The following WDR3 variants were observed in gnomAD, a reference collection of about 807,000 sequenced individuals.
The protein encoded by WDR3 is WD repeat domain 3.
WDR3 carries 81 observed loss-of-function variants against 123.7 expected under a neutral mutation model. That is an observed-to-expected ratio of 0.65 (90% CI 0.55 to 0.79). The LOEUF (loss-of-function observed/expected upper bound fraction) is 0.79. Among genes scored for constraint, WDR3 ranks in the 30% least tolerant of loss-of-function variants. The probability of loss-of-function intolerance (pLI) is 0.00; values close to 1 mark genes in which losing one functional copy is unlikely to be tolerated. For missense variants in WDR3, 1,027 were observed against 1,123.2 expected, an observed-to-expected ratio of 0.91 and a Z score of 1.22; for synonymous variants, 390 against 388.8, an observed-to-expected ratio of 1.00 and a Z score of -0.04.
At chr1:117,958,272 T>C (rs763752219) in intron 25 of WDR3, among the ~76,000 whole-genome samples, 3 of 152,226 alleles carry the variant, frequency 2.0e-5, no homozygotes, top group Non-Finnish European at 2.9e-5. Flanking sequence ...AAGAATAATA[T>C]GTTCTGTTGC....
rs1653457804 is a variant in WDR3 at position 117,963,903 on chromosome 1, T to C, written c.*4456T>C. 6.2e-7 allele frequency: 1 copy of C among 1,613,938 alleles called. No individual in the cohort carries two copies. The highest frequency in any genetic ancestry group is 8.5e-7 in the Non-Finnish European group (1 of 1,179,944). On this transcript the variant is annotated 3_prime_UTR_variant, in exon 27 of 27. Transcript: ENST00000349139. Reference sequence around the variant, plus strand: ...TTTTCTTTTCCCTGGGGAAAGTCTTTTGGTCGTTTATCATAATTGCTGCTT... The same window carrying C: ...TTTTCTTTTCCCTGGGGAAAGTCTTCTGGTCGTTTATCATAATTGCTGCTT...
chr1:117,943,490 T>C lies in WDR3; in HGVS notation c.1192T>C (p.Leu398=). The C allele has an allele frequency of 6.2e-7, 1 of 1,614,160 alleles. No individual in the cohort carries two copies. The highest frequency in any genetic ancestry group is 8.5e-7 in the Non-Finnish European group (1 of 1,180,016). The change falls in exon 11 of 27, where the codon TTG becomes CTG. Residue 398 remains leucine (L), a synonymous_variant. Coordinates refer to ENST00000349139, the MANE Select transcript of WDR3 (RefSeq NM_006784.3). The part of the protein sequence containing the change: ...LVELYSLNPS[L]PTPQPVRTSR... ...GGAATTGTATTCACTGAATCCATCC[T>C]TGCCTACTCCTCAGCCTGTCAGGAC...
At position 117,933,280 on chromosome 1, in the gene WDR3, A is replaced by T. The variant is rs757990553; in HGVS notation, c.-32-8A>T. 1.4e-5 allele frequency: 23 copies of T among 1,608,646 alleles called. No individual in the cohort carries two copies. In the South Asian group the frequency reaches 2.3e-4, roughly 16 times the overall value. ...AAGGAGCTGAGTTTTCTTTGTTTAT[A>T]TGCACAGATTGCTTCACCTGTGGTA... On this transcript the variant is annotated splice_region_variant and splice_polypyrimidine_tract_variant and intron_variant, in intron 1 of 26. Coordinates refer to ENST00000349139, the MANE Select transcript of WDR3 (RefSeq NM_006784.3).
Position 117,964,234 on chromosome 1 carries a change from TGC to T in WDR3, c.*4788_*4789del. 1.0e-5 allele frequency: 2 copies of T among 197,620 alleles called. No individual in the cohort carries two copies. The highest frequency in any genetic ancestry group is 2.1e-5 in the Non-Finnish European group (2 of 97,442). The allele number at this position is 197,620 out of a possible 1,614,324, so 12.2% of individuals were successfully genotyped here. On this transcript the variant is annotated 3_prime_UTR_variant, in exon 27 of 27. Coordinates refer to ENST00000349139, the MANE Select transcript of WDR3 (RefSeq NM_006784.3). The stretch of plus-strand genomic sequence containing the variant: ...CAAACCATATCTACATCAGATTTCA[TGC>T]TTTTTTTTTTTTTTTTTGGTGGGGA...
At chr1:117,946,023 T>C in intron 11 of WDR3, 63 bp from the exon 12 acceptor site, 1 of 1,315,602 alleles carries the variant, frequency 7.6e-7, no homozygotes, top group South Asian at 1.4e-5. Context: ...ACCTACACAC[T>C]GACCTCTAAA....
Position 117,929,742 on chromosome 1 carries a change from G to A in WDR3, c.-73G>A, listed in dbSNP as rs540217287. 6.6e-6 allele frequency: 1 copy of A among 152,510 alleles called. No individual in the cohort carries two copies. The highest frequency in any genetic ancestry group is 6.5e-5 in the Admixed American group (1 of 15,314). 9.4% of individuals were successfully genotyped at this position (152,510 alleles called of 1,614,324 possible). ...AACGGACCCGGAAGGGGCAGGTCTT[G>A]TGGGCGGGTCCAATCGGCTGGGAGC... On this transcript the variant is annotated 5_prime_UTR_variant, in exon 1 of 27. It adds an upstream start codon to the 5' untranslated region. Transcript: ENST00000349139.
chr1:117,930,908 A>G (rs1650690481), intron 1 of WDR3, among the ~76,000 whole-genome samples: 1 of 152,184 alleles, frequency 6.6e-6, no homozygotes, highest in African/African-American at 2.4e-5. Context: ...TGTAAAATAG[A>G]GATAGGAAGA....
intron 9 of WDR3, 97 bp from the exon 10 acceptor site, chr1:117,942,340 C>T (rs1651199433): frequency 1.1e-6 from 1 of 927,828 alleles, no homozygotes; most frequent in Non-Finnish European, 1.7e-6. Context: ...CAGAATAACA[C>T]AGTTTGTTGG....
chr1:117,941,674 T>C (rs1651177761), intron 8 of WDR3, 76 bp from the exon 9 acceptor site: 2 of 1,522,472 alleles, frequency 1.3e-6, no homozygotes, highest in Non-Finnish European at 1.8e-6. Flanking sequence ...TAAATATTGT[T>C]GTTTACTTTT....
In WDR3 at chr1:117,933,643, A is replaced by G. The variant is rs1479517596; in HGVS notation, c.171+153A>G. 4 of 933,988 alleles carry G rather than the reference A, an allele frequency of 4.3e-6. No homozygotes were observed. The African/African-American group carries it at 6.6e-5, about 15-fold the overall frequency. 57.9% of individuals were successfully genotyped at this position (933,988 alleles called of 1,614,324 possible). ...TTTTTCCTTTAGGTCTAGCTAGCCAAGCATCAAGTTCCTTTGTGTTCTTCG... is the reference window on the plus strand; with the variant it reads ...TTTTTCCTTTAGGTCTAGCTAGCCAGGCATCAAGTTCCTTTGTGTTCTTCG... On this transcript the variant is annotated intron_variant, in intron 2 of 26. Transcript: ENST00000349139.
chr1:117,931,907 T>C (rs1650746450), intron 1 of WDR3, among the ~76,000 whole-genome samples: 1 of 152,050 alleles, frequency 6.6e-6, no homozygotes, highest in Non-Finnish European at 1.5e-5. Context: ...GAGTTGAGAT[T>C]GAATTTTTTT....
At chr1:117,938,598 G>C (rs1287059343) in intron 5 of WDR3, 40 bp downstream of exon 5, 3 of 1,573,802 alleles carry the variant, frequency 1.9e-6, no homozygotes, top group East Asian at 2.2e-5. Flanking sequence ...TAATGGGAAG[G>C]CAAAAGGGAA....
chr1:117,933,205 A>G, intron 1 of WDR3, 83 bp from the exon 2 acceptor site: 2 of 1,263,998 alleles, frequency 1.6e-6, no homozygotes, highest in African/African-American at 1.5e-5. Flanking sequence ...CTCTGTCTCA[A>G]AAACAAAAAA....
At chr1:117,940,774 T>A (rs892891903) in intron 6 of WDR3, 53 bp from the exon 7 acceptor site, 2 of 1,441,252 alleles carry the variant, frequency 1.4e-6, no homozygotes, top group African/African-American at 2.9e-5. Flanking sequence ...AACAACAACA[T>A]GCCTCCTGGA....
intron 16 of WDR3, among the ~76,000 whole-genome samples, chr1:117,951,508 C>CTTTTTTTT (rs60053262): frequency 7.8e-6 from 1 of 128,794 alleles, no homozygotes; most frequent in African/African-American, 2.8e-5. Flanking sequence ...AAATGTATTT[C>CTTTTTTTT]TTTTTTTTTT....
chr1:117,947,806 G>T (rs1194416475), intron 12 of WDR3, among the ~76,000 whole-genome samples: 1 of 152,208 alleles, frequency 6.6e-6, no homozygotes, highest in Non-Finnish European at 1.5e-5. Flanking sequence ...CTCTGTGTGT[G>T]TTACATGCTG....
At chr1:117,946,740 G>A (rs1651398441) in intron 12 of WDR3, among the ~76,000 whole-genome samples, 2 of 151,998 alleles carry the variant, frequency 1.3e-5, no homozygotes, top group South Asian at 2.1e-4. Flanking sequence ...AGGAGATCGA[G>A]ACCATCCTGG....
rs1652895189 is a variant in WDR3, at chr1:117,960,321, A to G, written c.*874A>G. 1 of 152,164 alleles carries G rather than the reference A, an allele frequency of 6.6e-6. No homozygotes were observed. The highest frequency in any genetic ancestry group is 1.5e-5 in the Non-Finnish European group (1 of 68,028). 9.4% of individuals were successfully genotyped at this position (152,164 alleles called of 1,614,324 possible). A position where few individuals can be genotyped will look rare whatever the true frequency, so the allele number is the denominator to read the frequency against. ...TATTGACTGGGAGCCTGACTGATGTATTATATATATTGTATACTGTATTCT... is the reference window on the plus strand; with the variant it reads ...TATTGACTGGGAGCCTGACTGATGTGTTATATATATTGTATACTGTATTCT... On this transcript the variant is annotated 3_prime_UTR_variant, in exon 27 of 27. Transcript: ENST00000349139.
chr1:117,941,604 G>T, intron 8 of WDR3, 146 bp from the exon 9 acceptor site: 7 of 1,012,546 alleles, frequency 6.9e-6, no homozygotes, highest in Non-Finnish European at 9.9e-6. Flanking sequence ...TTACAGATGA[G>T]ATAGCAAACC....
Sources: allele counts gnomAD v4.1 joint callset (sites outside exome capture counted in the v4.1 genomes callset), GRCh38; gene constraint gnomAD v4.1.1; transcripts MANE v1.5; gene names NCBI Gene and HGNC (gene_info 2026-07-23, HGNC 2026-07-21).